Variants in HYKK observed in about 807,000 individuals in gnomAD.
The protein encoded by HYKK is hydroxylysine kinase.
A neutral mutation model predicts 29.7 loss-of-function variants in HYKK; 19 were observed. The ratio of observed to expected loss-of-function variants is 0.64; its 90% CI spans 0.45 to 0.94. The LOEUF is 0.94. Ranked by LOEUF, HYKK falls within the 40% of genes least tolerant of loss-of-function variation. The pLI, the probability that HYKK is intolerant of heterozygous loss-of-function variation, is 0.00. For missense variants in HYKK, 390 were observed against 443.4 expected, an observed-to-expected ratio of 0.88 and a Z score of 1.08; for synonymous variants, 152 against 158.1, an observed-to-expected ratio of 0.96 and a Z score of 0.29.
rs1555412362 is a variant in HYKK at position 78,535,269 on chromosome 15, T to TTTCTTTTTC, written c.*1601_*1602insCTTTTTCTT. 1,762 of 77,960 alleles carry TTTCTTTTTC rather than the reference T, an allele frequency of 0.023. 39 individuals carry two copies. The highest frequency in any genetic ancestry group is 0.03 in the Non-Finnish European group (1,195 of 40,278). 4.8% of individuals were successfully genotyped at this position (77,960 alleles called of 1,614,324 possible). ...TTGTCCCTCAATTTCATTTCATTTC[T>TTTCTTTTTC]TTTTCTTTTCTTTTCTTTTCTTTTT... On this transcript the variant is annotated 3_prime_UTR_variant, in exon 5 of 5. Coordinates refer to ENST00000388988, the MANE Select transcript of HYKK (RefSeq NM_001013619.4).
At chr15:78,508,700 TG>T (rs955686521) in intron 1 of HYKK, among the ~76,000 whole-genome samples, 3 of 151,782 alleles carry the variant, frequency 2.0e-5, no homozygotes, top group African/African-American at 7.3e-5. Flanking sequence ...TTTTTAAAAA[TG>T]TGTGAGTGGG....
intron 1 of HYKK, among the ~76,000 whole-genome samples, chr15:78,508,551 T>C (rs561457907): frequency 6.6e-6 from 1 of 152,196 alleles, no homozygotes; most frequent in East Asian, 1.9e-4. Context: ...CTGACGCAGA[T>C]CTTGGAGTTG....
chr15:78,527,475 G>C lies in HYKK; in HGVS notation c.573G>C (p.Leu191=). The C allele has an allele frequency of 6.2e-7, 1 of 1,614,082 alleles. No individual in the cohort carries two copies. The highest frequency in any genetic ancestry group is 8.5e-7 in the Non-Finnish European group (1 of 1,179,986). Residue 191 remains leucine (L), a synonymous_variant, in exon 4 of 5, where the codon CTG becomes CTC. Transcript: ENST00000388988. ...VPLLEKYLYA[L]GQNRNREIVE... is the part of the protein sequence containing the mutation. ...TTCTGGAGAAATACCTGTATGCCCTGGGCCAGAATCGAAACCGAGAGATTG... is the reference window on the plus strand; with the variant it reads ...TTCTGGAGAAATACCTGTATGCCCTCGGCCAGAATCGAAACCGAGAGATTG...
chr15:78,522,619 G>A, intron 3 of HYKK, among the ~76,000 whole-genome samples: 1 of 149,826 alleles, frequency 6.7e-6, no homozygotes, highest in Non-Finnish European at 1.5e-5. Context: ...GCTCACGCCT[G>A]TAATCTCAGC....
intron 1 of HYKK, among the ~76,000 whole-genome samples, chr15:78,509,849 T>C (rs2052053594): frequency 6.6e-6 from 1 of 152,212 alleles, no homozygotes; most frequent in East Asian, 1.9e-4. Flanking sequence ...CGGCTTAACT[T>C]GCTTCTGAAA....
intron 4 of HYKK, chr15:78,528,676 G>A (rs1020044592): frequency 3.2e-6 from 1 of 307,934 alleles, no homozygotes; most frequent in African/African-American, 2.3e-5. Flanking sequence ...GGTGACGCGT[G>A]CCTGTAATCT....
At chr15:78,518,743 C>T in intron 3 of HYKK, 6 of 338,266 alleles carry the variant, frequency 1.8e-5, no homozygotes, top group South Asian at 1.2e-4. Context: ...ATGGTGAAAC[C>T]CCATCTACTA....
intron 3 of HYKK, among the ~76,000 whole-genome samples, chr15:78,518,206 G>A (rs1256388497): frequency 6.6e-6 from 1 of 151,856 alleles, no homozygotes; most frequent in African/African-American, 2.4e-5. Flanking sequence ...TATTTTTTTT[G>A]AGACAGGGTC....
intron 3 of HYKK, chr15:78,518,806 T>C: frequency 3.5e-6 from 1 of 287,512 alleles, no homozygotes; most frequent in Non-Finnish European, 7.0e-6. Flanking sequence ...TCCCAGCTAC[T>C]GGGGAGGCTG....
In HYKK at chr15:78,520,873, C is replaced by A. The variant is rs570241385; in HGVS notation, c.477+5766C>A. 3.6e-3 allele frequency among the ~76,000 whole-genome samples: 547 copies of A among 151,040 alleles called. 3 individuals carry two copies. Among genetic ancestry groups the A allele is most frequent in the African/African-American group, 0.013 (530 of 41,208 alleles). ...GCAGCTGGCCGGGCGGGGGGCTGAC[C>A]CCCCCACCTCCCTCCCGGATGGGGC... On this transcript the variant is annotated intron_variant, in intron 3 of 4. Transcript: ENST00000388988.
intron 3 of HYKK, among the ~76,000 whole-genome samples, chr15:78,516,914 T>C (rs539419943): frequency 1.9e-4 from 29 of 151,912 alleles, no homozygotes; most frequent in African/African-American, 7.0e-4. Flanking sequence ...CCCAGCTACT[T>C]GGGAGGCTGA....
intron 3 of HYKK, among the ~76,000 whole-genome samples, chr15:78,520,844 C>T (rs992402041): frequency 6.7e-4 from 100 of 150,308 alleles, no homozygotes; most frequent in African/African-American, 2.3e-3. Context: ...ACCTCCCGGA[C>T]GGGGCAGCTG....
Position 78,513,366 on chromosome 15 carries a change from T to C in HYKK, c.278T>C (p.Phe93Ser). Residue 93 changes from phenylalanine to serine, a missense_variant, in exon 2 of 5, where the codon TTT (phenylalanine) becomes TCT (serine). Transcript: ENST00000388988. ...HIIMFLKAAG[F>S]PTASVCHTKG... Reference sequence around the variant, plus strand: ...ATCATGTTTCTGAAAGCCGCTGGATTTCCAACAGCCTCTGTGTGTCACACT... The same window carrying C: ...ATCATGTTTCTGAAAGCCGCTGGATCTCCAACAGCCTCTGTGTGTCACACT... 6.2e-7 allele frequency: 1 copy of C among 1,614,180 alleles called. No individual in the cohort carries two copies. The highest frequency in any genetic ancestry group is 8.5e-7 in the Non-Finnish European group (1 of 1,180,034).
At chr15:78,527,948 A>G (rs2052273280) in intron 4 of HYKK, 1 of 169,072 alleles carries the variant, frequency 5.9e-6, no homozygotes, top group Admixed American at 6.3e-5. Context: ...TGTAGTTTTA[A>G]TTTAGTTTAT....
chr15:78,517,078 C>CTTTT (rs1173279409), intron 3 of HYKK, among the ~76,000 whole-genome samples: 14 of 144,574 alleles, frequency 9.7e-5, no homozygotes, highest in African/African-American at 2.3e-4. Flanking sequence ...TGCATCAGGT[C>CTTTT]CTTTTCTTTT....
At chr15:78,522,706 G>A (rs1433623670) in intron 3 of HYKK, among the ~76,000 whole-genome samples, 1 of 152,046 alleles carries the variant, frequency 6.6e-6, no homozygotes, top group Non-Finnish European at 1.5e-5. Context: ...ATAAAACCCT[G>A]TCTGTACTAA....
rs752817860 is a variant in HYKK at position 78,513,373 on chromosome 15, A to G, written c.285A>G (p.Thr95=). Residue 95 remains threonine, a synonymous_variant, in exon 2 of 5, where the codon ACA becomes ACG. Coordinates refer to ENST00000388988, the MANE Select transcript of HYKK (RefSeq NM_001013619.4). ...IMFLKAAGFP[T]ASVCHTKGDN... ...TTCTGAAAGCCGCTGGATTTCCAAC[A>G]GCCTCTGTGTGTCACACTAAAGGAG... The G allele has an allele frequency of 1.7e-5, 28 of 1,614,206 alleles. No individual in the cohort carries two copies. The South Asian group carries it at 3.0e-4, about 17-fold the overall frequency.
At chr15:78,517,141 T>C (rs961657582) in intron 3 of HYKK, among the ~76,000 whole-genome samples, 3 of 146,506 alleles carry the variant, frequency 2.0e-5, no homozygotes, top group African/African-American at 7.6e-5. Context: ...AGACAGAGTT[T>C]CTGTCTGTTG....
Position 78,523,258 on chromosome 15 carries a change from G to A in HYKK, c.478-4122G>A, listed in dbSNP as rs562167669. 6.6e-5 allele frequency among the ~76,000 whole-genome samples: 10 copies of A among 152,306 alleles called. No homozygotes were observed. In the East Asian group the frequency reaches 7.7e-4, roughly 12 times the overall value. On this transcript the variant is annotated intron_variant, in intron 3 of 4. Coordinates refer to ENST00000388988, the MANE Select transcript of HYKK (RefSeq NM_001013619.4). ...GCCTCAGGAAGCTTCTAATCATGGC[G>A]GAAGGCAAAGTGGGAGCAGGTGTCT...
Sources: gnomAD v4.1 joint callset for allele counts (sites outside exome capture counted in the v4.1 genomes callset) on GRCh38, gnomAD v4.1.1 for gene constraint, MANE v1.5 for transcripts, NCBI Gene and HGNC (gene_info 2026-07-23, HGNC 2026-07-21) for gene names.